XPR1: variants seen among roughly 807,000 people sequenced by gnomAD.
XPR1 encodes solute carrier family 53 member 1.
XPR1 carries 28 observed loss-of-function variants against 87.5 expected under a neutral mutation model. The ratio of observed to expected loss-of-function variants is 0.32; its 90% CI spans 0.24 to 0.44. The LOEUF is 0.44. Among genes scored for constraint, XPR1 ranks in the 20% least tolerant of loss-of-function variants. The pLI is 1.00. For missense variants in XPR1, 559 were observed against 862.3 expected (o/e 0.65, Z 4.41); for synonymous variants, 300 against 306.1 (o/e 0.98, Z 0.21).
intron 2 of XPR1, among the ~76,000 whole-genome samples, chr1:180,759,599 G>T (rs1183449674): frequency 1.3e-5 from 2 of 152,086 alleles, no homozygotes; most frequent in East Asian, 3.9e-4. Context: ...CCAATAACAG[G>T]CTCTGAAATT....
chr1:180,683,057 G>A (rs1656636753), intron 2 of XPR1, among the ~76,000 whole-genome samples: 1 of 151,734 alleles, frequency 6.6e-6, no homozygotes, highest in Non-Finnish European at 1.5e-5. Flanking sequence ...GTGCCATGTT[G>A]GTGTGCTGCA....
chr1:180,632,076 G>A lies in XPR1; in HGVS notation c.-126G>A. 2 of 1,133,982 alleles carry A rather than the reference G, an allele frequency of 1.8e-6. No individual in the cohort carries two copies. The highest frequency in any genetic ancestry group is 1.3e-5 in the South Asian group (1 of 75,570). 70.2% of individuals were successfully genotyped at this position (1,133,982 alleles called of 1,614,324 possible). On this transcript the variant is annotated 5_prime_UTR_variant, in exon 1 of 15. Coordinates refer to ENST00000367590, the MANE Select transcript of XPR1 (RefSeq NM_004736.4). Reference sequence around the variant, plus strand: ...GCTGCTCTGAAGAGACCTCGGCGGCGGCGGAGGAGGAGAGAAGCGCAGCGC... The same window carrying A: ...GCTGCTCTGAAGAGACCTCGGCGGCAGCGGAGGAGGAGAGAAGCGCAGCGC...
chr1:180,743,901 A>T (rs12084318), intron 2 of XPR1, among the ~76,000 whole-genome samples: 6,553 of 152,188 alleles, frequency 0.043, 504 homozygotes, highest in African/African-American at 0.15. Context: ...TCAAGAGTTA[A>T]TTTTGTCTTT....
intron 2 of XPR1, among the ~76,000 whole-genome samples, chr1:180,712,605 A>G (rs181917054): frequency 1.6e-3 from 237 of 152,276 alleles, no homozygotes; most frequent in African/African-American, 5.5e-3. Flanking sequence ...GAGGAGTTCA[A>G]GACCAGTCTG....
rs1315473913 is a variant in XPR1 at position 180,825,122 on chromosome 1, A to T, written c.955-43A>T. 3 of 1,548,592 alleles carry T rather than the reference A, an allele frequency of 1.9e-6. No homozygotes were observed. In the African/African-American group the frequency reaches 4.2e-5, roughly 22 times the overall value. On this transcript the variant is annotated intron_variant, in intron 8 of 14. Coordinates refer to ENST00000367590, the MANE Select transcript of XPR1 (RefSeq NM_004736.4). ...TTTAAGTAATGGTAAAAGTAAAAAT[A>T]ACAATTTTTCTCTATCTTTCTGTCT... is the stretch of plus-strand genomic sequence containing the variant.
chr1:180,819,895 C>T lies in XPR1; in HGVS notation c.764-4858C>T, dbSNP rs1443045450. On this transcript the variant is annotated intron_variant, in intron 7 of 14. Coordinates refer to ENST00000367590, the MANE Select transcript of XPR1 (RefSeq NM_004736.4). The stretch of plus-strand genomic sequence containing the variant: ...ATTCCCTGGGTGTGGTGGTGTGTGC[C>T]TGTAATCCCAGGTACTTGGGAGGCT... Among the ~76,000 whole-genome samples, 5 of 151,998 alleles carry T rather than the reference C, an allele frequency of 3.3e-5. No homozygotes were observed. The South Asian group carries it at 1.0e-3, about 32-fold the overall frequency.
In XPR1 at chr1:180,778,413, A is replaced by G. The variant is rs530281111; in HGVS notation, c.122-9340A>G. 5.3e-4 allele frequency among the ~76,000 whole-genome samples: 81 copies of G among 152,320 alleles called. 2 individuals carry two copies. In the South Asian group the frequency reaches 0.016, roughly 30 times the overall value. On this transcript the variant is annotated intron_variant, in intron 2 of 14. Transcript: ENST00000367590. ...ACACAATGTATTAGTTCCACTTCTC[A>G]TAGAATAACAGTGTATATTAGCATA...
chr1:180,833,514 C>A (rs116119128), intron 9 of XPR1, among the ~76,000 whole-genome samples: 6,433 of 145,154 alleles, frequency 0.044, 491 homozygotes, highest in African/African-American at 0.15. Context: ...CAAAAAAAAA[C>A]ACAAAAAAAA....
chr1:180,641,885 A>G (rs755560451), intron 1 of XPR1, among the ~76,000 whole-genome samples: 1 of 152,200 alleles, frequency 6.6e-6, no homozygotes, highest in Non-Finnish European at 1.5e-5. Context: ...TCATTGCTGT[A>G]TAAACATTGC....
At chr1:180,835,496 A>ACCCCCC (rs111339401) in intron 10 of XPR1, among the ~76,000 whole-genome samples, 18 of 150,396 alleles carry the variant, frequency 1.2e-4, no homozygotes, top group African/African-American at 4.4e-4. Context: ...CCGTTTTCGC[A>ACCCCCC]CCCCCCCCTT....
intron 1 of XPR1, among the ~76,000 whole-genome samples, chr1:180,637,596 C>T (rs1235486002): frequency 6.6e-6 from 1 of 152,182 alleles, no homozygotes; most frequent in Non-Finnish European, 1.5e-5. Context: ...CTCTGTCACC[C>T]AGGCTGGAGT....
At chr1:180,654,177 A>G (rs1056499575) in intron 1 of XPR1, among the ~76,000 whole-genome samples, 3 of 152,048 alleles carry the variant, frequency 2.0e-5, no homozygotes, top group African/African-American at 4.8e-5. Context: ...TTTACTATTG[A>G]TAAGTATTTG....
intron 2 of XPR1, among the ~76,000 whole-genome samples, chr1:180,760,670 G>A (rs770257712): frequency 9.9e-5 from 15 of 152,142 alleles, no homozygotes; most frequent in Admixed American, 2.0e-4. Flanking sequence ...AATCAATATC[G>A]TGAAAATGGC....
chr1:180,831,629 GA>G (rs1651070223), intron 9 of XPR1, among the ~76,000 whole-genome samples: 2 of 135,446 alleles, frequency 1.5e-5, no homozygotes, highest in Admixed American at 8.9e-5. Flanking sequence ...TCCCACTTAT[GA>G]GTGAGAACAT....
chr1:180,726,243 G>A (rs1156663677), intron 2 of XPR1, among the ~76,000 whole-genome samples: 1 of 152,182 alleles, frequency 6.6e-6, no homozygotes, highest in Non-Finnish European at 1.5e-5. Context: ...TTTGTAAAAT[G>A]GACCAATCAT....
chr1:180,791,867 G>C (rs1335510000), intron 3 of XPR1, among the ~76,000 whole-genome samples: 1 of 152,014 alleles, frequency 6.6e-6, no homozygotes, highest in Non-Finnish European at 1.5e-5. Flanking sequence ...AAGTTAGGTC[G>C]CTTCTCAAAA....
chr1:180,885,164 T>C lies in XPR1; in HGVS notation c.*1098T>C, dbSNP rs1053936572. 1 of 152,610 alleles carries C rather than the reference T, an allele frequency of 6.6e-6. No individual in the cohort carries two copies. Among genetic ancestry groups the C allele is most frequent in the African/African-American group, 2.4e-5 (1 of 41,440 alleles). The allele number at this position is 152,610 out of a possible 1,614,324, so 9.5% of individuals were successfully genotyped here. A position where few individuals can be genotyped will look rare whatever the true frequency, so the allele number is the denominator to read the frequency against. On this transcript the variant is annotated 3_prime_UTR_variant, in exon 15 of 15. Coordinates refer to ENST00000367590, the MANE Select transcript of XPR1 (RefSeq NM_004736.4). ...AGAGGCTCTGTGTGCCCTCACTAGA[T>C]AGTTTTTCTTCTGGGTTCAACCACT...
At chr1:180,778,838 T>C (rs1254983163) in intron 2 of XPR1, among the ~76,000 whole-genome samples, 4 of 152,220 alleles carry the variant, frequency 2.6e-5, no homozygotes, top group Admixed American at 6.5e-5. Flanking sequence ...TTTAAAATTA[T>C]CATTTAATAA....
chr1:180,686,070 C>T (rs545965306), intron 2 of XPR1, among the ~76,000 whole-genome samples: 1 of 151,898 alleles, frequency 6.6e-6, no homozygotes, highest in Non-Finnish European at 1.5e-5. Flanking sequence ...TTCTTTTAAT[C>T]GTGGTGTTAG....
Sources: allele counts gnomAD v4.1 joint callset (sites outside exome capture counted in the v4.1 genomes callset), GRCh38; gene constraint gnomAD v4.1.1; transcripts MANE v1.5; gene names NCBI Gene and HGNC (gene_info 2026-07-23, HGNC 2026-07-21).